ASIC2: variants seen among roughly 807,000 people sequenced by gnomAD.
ASIC2 encodes acid sensing ion channel subunit 2.
ASIC2 carries 25 observed loss-of-function variants against 57.3 expected under a neutral mutation model. The observed-to-expected ratio is 0.44, with a 90% CI of 0.32 to 0.61. The LOEUF (loss-of-function observed/expected upper bound fraction) is 0.61, where lower values mean the gene tolerates loss of function less well. Ranked by LOEUF, ASIC2 falls within the 20% of genes least tolerant of loss-of-function variation. ASIC2 has a pLI of 0.06. For synonymous variants in ASIC2, 319 were observed against 307.5 expected (o/e 1.04, Z -0.39); for missense variants, 641 against 738.1 (o/e 0.87, Z 1.52).
chr17:33,826,624 T>C (rs1472533442), intron 1 of ASIC2, among the ~76,000 whole-genome samples: 1 of 152,208 alleles, frequency 6.6e-6, no homozygotes, highest in Non-Finnish European at 1.5e-5. Flanking sequence ...AGGGAAGGAC[T>C]GGAATACAGG....
chr17:33,122,588 A>G (rs1302201573), intron 1 of ASIC2, among the ~76,000 whole-genome samples: 1 of 152,200 alleles, frequency 6.6e-6, no homozygotes, highest in Non-Finnish European at 1.5e-5. Context: ...ACATGTATAC[A>G]TTGTGCAATG....
intron 1 of ASIC2, among the ~76,000 whole-genome samples, chr17:34,097,340 T>C (rs571110121): frequency 4.6e-5 from 7 of 151,942 alleles, no homozygotes; most frequent in African/African-American, 1.7e-4. Context: ...TAGTTTGGGT[T>C]GGCATAAATA....
chr17:33,499,524 T>C (rs1914039218), intron 1 of ASIC2, among the ~76,000 whole-genome samples: 3 of 152,198 alleles, frequency 2.0e-5, no homozygotes, highest in Admixed American at 2.0e-4. Flanking sequence ...TGGAAAATAT[T>C]GTTCCTCACA....
At chr17:34,109,858 C>T (rs1029707537) in intron 1 of ASIC2, among the ~76,000 whole-genome samples, 32 of 152,034 alleles carry the variant, frequency 2.1e-4, no homozygotes, top group African/African-American at 7.5e-4. Flanking sequence ...TATTGTAACA[C>T]TGAAAATAAG....
At chr17:33,482,455 C>T (rs1460092823) in intron 1 of ASIC2, among the ~76,000 whole-genome samples, 2 of 152,262 alleles carry the variant, frequency 1.3e-5, no homozygotes, top group East Asian at 3.8e-4. Flanking sequence ...TAGACTTGGA[C>T]TGGATTTGCA....
intron 1 of ASIC2, among the ~76,000 whole-genome samples, chr17:33,817,635 A>G (rs80288843): frequency 6.6e-6 from 1 of 152,292 alleles, no homozygotes; most frequent in African/African-American, 2.4e-5. Context: ...TCCTCTGTCA[A>G]ATGGTTGCTA....
chr17:33,819,562 T>C (rs1597889186), intron 1 of ASIC2, among the ~76,000 whole-genome samples: 2 of 152,340 alleles, frequency 1.3e-5, no homozygotes, highest in Non-Finnish European at 1.5e-5. Flanking sequence ...AAGTCTTCTT[T>C]TAACGTGGCC....
chr17:33,032,183 C>A (rs2091886248), intron 3 of ASIC2, among the ~76,000 whole-genome samples: 1 of 152,052 alleles, frequency 6.6e-6, no homozygotes, highest in Non-Finnish European at 1.5e-5. Context: ...TCTAGTTCTC[C>A]TTTTGTTCTC....
In ASIC2 at chr17:34,156,742, G is replaced by C. The variant is rs1006431931; in HGVS notation, c.-210C>G. 6 of 557,280 alleles carry C rather than the reference G, an allele frequency of 1.1e-5. No individual in the cohort carries two copies. The highest frequency in any genetic ancestry group is 1.9e-5 in the Non-Finnish European group (6 of 321,698). The allele number at this position is 557,280 out of a possible 1,614,324, so 34.5% of individuals were successfully genotyped here. ...AAAACCCATTCAAACTCTAGCTCTT[G>C]ATTTTTTCCAGGCGATAAGGAGGGC... On this transcript the variant is annotated 5_prime_UTR_variant, in exon 1 of 10. Coordinates refer to the ASIC2 transcript ENST00000359872. The surrounding 1 kb of genome is among the most constrained non-coding windows in gnomAD (Gnocchi z 4.4).
chr17:33,427,779 C>A (rs1268965383), intron 1 of ASIC2, among the ~76,000 whole-genome samples: 1 of 152,188 alleles, frequency 6.6e-6, no homozygotes, highest in African/African-American at 2.4e-5. Context: ...GAACCTTACT[C>A]CCTTGTGTAC....
At chr17:33,472,783 A>G (rs1913097815) in intron 1 of ASIC2, among the ~76,000 whole-genome samples, 1 of 152,136 alleles carries the variant, frequency 6.6e-6, no homozygotes, top group Admixed American at 6.5e-5. Flanking sequence ...GAGATGTTGA[A>G]GCCACTCTGG....
intron 1 of ASIC2, among the ~76,000 whole-genome samples, chr17:33,883,361 C>T (rs1048228888): frequency 8.5e-5 from 13 of 152,204 alleles, no homozygotes; most frequent in African/African-American, 3.1e-4. Context: ...CTAGCACCAT[C>T]CAACCAATTA....
chr17:34,072,673 C>T (rs1909463669), intron 1 of ASIC2, among the ~76,000 whole-genome samples: 1 of 152,146 alleles, frequency 6.6e-6, no homozygotes, highest in Admixed American at 6.5e-5. Context: ...ATTATTTTTA[C>T]TTATTTATAA....
In ASIC2 at chr17:33,036,167, C is replaced by T. The variant is rs945523517; in HGVS notation, c.988-7775G>A. ...TCCACCATTACTGAAAACCAAAAGGCTTTATACTTACTTGAATATTTGCAG... is the reference window on the plus strand; with the variant it reads ...TCCACCATTACTGAAAACCAAAAGGTTTTATACTTACTTGAATATTTGCAG... On this transcript the variant is annotated intron_variant, in intron 3 of 9. Transcript: ENST00000225823. Among the ~76,000 whole-genome samples the T allele has an allele frequency of 3.6e-4, 55 of 152,270 alleles. No homozygotes were observed. In the Middle Eastern group the frequency reaches 0.01, roughly 28 times the overall value.
At chr17:33,972,889 A>C (rs1905262829) in intron 1 of ASIC2, among the ~76,000 whole-genome samples, 1 of 152,236 alleles carries the variant, frequency 6.6e-6, no homozygotes, top group Admixed American at 6.5e-5. Flanking sequence ...ATGCAGACAA[A>C]CCTTGCCAAG....
At chr17:33,506,365 A>G (rs1459366221) in intron 1 of ASIC2, among the ~76,000 whole-genome samples, 1 of 151,354 alleles carries the variant, frequency 6.6e-6, no homozygotes, top group Non-Finnish European at 1.5e-5. Context: ...GCGAGCCAAG[A>G]TCTGGCCACT....
chr17:33,985,080 G>A (rs1056771303), intron 1 of ASIC2, among the ~76,000 whole-genome samples: 4 of 152,146 alleles, frequency 2.6e-5, no homozygotes, highest in African/African-American at 9.7e-5. Context: ...AGAGGCCCAG[G>A]CTTCTTCTAA....
chr17:33,813,767 T>A (rs550913158), intron 1 of ASIC2, among the ~76,000 whole-genome samples: 6 of 152,154 alleles, frequency 3.9e-5, no homozygotes, highest in African/African-American at 1.4e-4. Flanking sequence ...GAGGGTATCC[T>A]CCTTGCTGGT....
intron 1 of ASIC2, among the ~76,000 whole-genome samples, chr17:33,801,039 C>A (rs1286679531): frequency 2.6e-5 from 4 of 152,188 alleles, no homozygotes; most frequent in Non-Finnish European, 4.4e-5. Flanking sequence ...AGATTAAAAA[C>A]CCTCTAGGAA....
Sources: gnomAD v4.1 joint callset for allele counts (sites outside exome capture counted in the v4.1 genomes callset) on GRCh38, gnomAD v4.1.1 for gene constraint, Gnocchi (gnomAD v3.1) non-coding constraint, MANE v1.5 for transcripts, NCBI Gene and HGNC (gene_info 2026-07-23, HGNC 2026-07-21) for gene names.